Variants in GAS2 observed in about 807,000 individuals in gnomAD.
The protein encoded by GAS2 is growth arrest specific 2, also known as growth arrest-specific protein 2.
GAS2 carries 20 observed loss-of-function variants against 37.5 expected under a neutral mutation model. The observed-to-expected ratio is 0.53, with a 90% CI of 0.37 to 0.77. The LOEUF (loss-of-function observed/expected upper bound fraction) is 0.77. Ranked by LOEUF, GAS2 falls within the 30% of genes least tolerant of loss-of-function variation. GAS2 has a pLI of 0.00. For missense variants in GAS2, 336 were observed against 373.4 expected (o/e 0.90, Z 0.82); for synonymous variants, 144 against 132.2 (o/e 1.09, Z -0.61).
At position 22,697,686 on chromosome 11, in the gene GAS2, A is replaced by G. The variant is rs189245599; in HGVS notation, c.267+11897A>G. On this transcript the variant is annotated intron_variant, in intron 3 of 7. Coordinates refer to ENST00000454584, the MANE Select transcript of GAS2 (RefSeq NM_001143830.3). ...TCCCTTGTAATTTGGATTCCTAGGT[A>G]TTTTATTCTCTTTGAAGCAATTGTG... 8.3e-3 allele frequency among the ~76,000 whole-genome samples: 1,270 copies of G among 152,096 alleles called. 16 individuals carry two copies. The highest frequency in any genetic ancestry group is 0.029 in the African/African-American group (1,210 of 41,470).
intron 7 of GAS2, among the ~76,000 whole-genome samples, chr11:22,779,422 G>C (rs1855437310): frequency 6.6e-6 from 1 of 152,170 alleles, no homozygotes; most frequent in African/African-American, 2.4e-5. Flanking sequence ...CCTCAGCTGG[G>C]CGTGGTGGCT....
chr11:22,779,847 A>G (rs2134479385), intron 7 of GAS2, among the ~76,000 whole-genome samples: 2 of 152,332 alleles, frequency 1.3e-5, no homozygotes, highest in Admixed American at 1.3e-4. Flanking sequence ...CTGTCCTACA[A>G]CCAACCAACC....
chr11:22,642,293 T>C (rs1384770891), intron 1 of GAS2, among the ~76,000 whole-genome samples: 1 of 152,178 alleles, frequency 6.6e-6, no homozygotes, highest in Non-Finnish European at 1.5e-5. Flanking sequence ...ATGTTCAGAT[T>C]TGAAAATTTT....
intron 1 of GAS2, among the ~76,000 whole-genome samples, chr11:22,642,246 A>C (rs1324464107): frequency 6.6e-6 from 1 of 152,184 alleles, no homozygotes; most frequent in Non-Finnish European, 1.5e-5. Context: ...TCTCTACAAC[A>C]GTGGCAGAGG....
intron 3 of GAS2, among the ~76,000 whole-genome samples, chr11:22,712,774 A>G (rs421487): frequency 0.18 from 27,522 of 151,986 alleles, 2,686 homozygotes; most frequent in East Asian, 0.37. Flanking sequence ...GAAGGATGAA[A>G]ACTAACTTAA....
At chr11:22,775,060 G>T (rs542266627) in intron 7 of GAS2, among the ~76,000 whole-genome samples, 1 of 152,104 alleles carries the variant, frequency 6.6e-6, no homozygotes, top group Non-Finnish European at 1.5e-5. Flanking sequence ...AGAGGCTGGT[G>T]TAGCAAGGGA....
rs140137885 is a variant in GAS2 at position 22,701,273 on chromosome 11, A to G, written c.267+15484A>G. Among the ~76,000 whole-genome samples the G allele has an allele frequency of 7.3e-4, 111 of 152,288 alleles. 1 individual carries two copies. The highest frequency in any genetic ancestry group is 2.6e-3 in the African/African-American group (110 of 41,566). ...TTTATAATATTGAATATTACCAACAACAAATATTTTATAATAATTGAGTCC... is the reference window on the plus strand; with the variant it reads ...TTTATAATATTGAATATTACCAACAGCAAATATTTTATAATAATTGAGTCC... On this transcript the variant is annotated intron_variant, in intron 3 of 7. Transcript: ENST00000454584.
At chr11:22,692,524 C>T (rs758712998) in intron 3 of GAS2, among the ~76,000 whole-genome samples, 1 of 152,008 alleles carries the variant, frequency 6.6e-6, no homozygotes, top group Non-Finnish European at 1.5e-5. Context: ...CAGGAAGACA[C>T]GAAGTAGGGA....
chr11:22,736,227 T>A (rs1318338590), intron 4 of GAS2, among the ~76,000 whole-genome samples: 1 of 151,974 alleles, frequency 6.6e-6, no homozygotes, highest in African/African-American at 2.4e-5. Flanking sequence ...TTGTAGTAGA[T>A]TTGAAACTGG....
At chr11:22,655,960 A>T (rs1848849369) in intron 1 of GAS2, among the ~76,000 whole-genome samples, 1 of 152,190 alleles carries the variant, frequency 6.6e-6, no homozygotes, top group Non-Finnish European at 1.5e-5. Context: ...TCCTGTTCTT[A>T]GTGGGTCATA....
At chr11:22,758,715 A>T (rs775545816) in intron 7 of GAS2, among the ~76,000 whole-genome samples, 12 of 152,180 alleles carry the variant, frequency 7.9e-5, no homozygotes, top group Non-Finnish European at 1.3e-4. Flanking sequence ...GGAGTTCGAG[A>T]CCAGCCTGAC....
At chr11:22,657,009 A>C (rs1214073152) in intron 1 of GAS2, among the ~76,000 whole-genome samples, 1 of 152,198 alleles carries the variant, frequency 6.6e-6, no homozygotes, top group African/African-American at 2.4e-5. Context: ...TGGGAGTGAA[A>C]GAGCATTGTA....
chr11:22,773,501 C>T (rs1167231698), intron 7 of GAS2, among the ~76,000 whole-genome samples: 1 of 148,498 alleles, frequency 6.7e-6, no homozygotes, highest in Non-Finnish European at 1.5e-5. Context: ...TCACGCCATT[C>T]TCCTGCCTCA....
chr11:22,666,938 G>T (rs1485528637), intron 1 of GAS2, 39 bp downstream of exon 1: 1 of 152,290 alleles, frequency 6.6e-6, no homozygotes, highest in Non-Finnish European at 1.5e-5. Context: ...CGCCAACGCC[G>T]CCGCAGCGTG....
At chr11:22,634,872 A>T (rs1230031337) in intron 1 of GAS2, among the ~76,000 whole-genome samples, 1 of 152,158 alleles carries the variant, frequency 6.6e-6, no homozygotes, top group Non-Finnish European at 1.5e-5. Context: ...GCTATTCTCA[A>T]ATGCCAGCTG....
At chr11:22,737,525 C>A (rs1228753053) in intron 4 of GAS2, among the ~76,000 whole-genome samples, 180 bp from the exon 5 acceptor site, 11 of 152,112 alleles carry the variant, frequency 7.2e-5, no homozygotes, top group African/African-American at 2.7e-4. Flanking sequence ...GTTTTGAGAA[C>A]TAATTTAAGC....
chr11:22,789,375 T>C (rs1433759645), intron 7 of GAS2, among the ~76,000 whole-genome samples: 1 of 87,150 alleles, frequency 1.1e-5, no homozygotes, highest in African/African-American at 3.7e-5. Flanking sequence ...TATACACATA[T>C]ATATGTACAT....
At chr11:22,667,472 A>G (rs1314616407) in intron 1 of GAS2, among the ~76,000 whole-genome samples, 2 of 152,200 alleles carry the variant, frequency 1.3e-5, no homozygotes, top group African/African-American at 4.8e-5. Flanking sequence ...GATGAAATTG[A>G]GTTTTATGTG....
intron 3 of GAS2, among the ~76,000 whole-genome samples, chr11:22,686,174 A>G (rs996095271): frequency 6.6e-6 from 1 of 152,226 alleles, no homozygotes; most frequent in Non-Finnish European, 1.5e-5. Flanking sequence ...ATGGCAGAAT[A>G]CTAGAACAAA....
Sources: gnomAD v4.1 joint callset for allele counts (sites outside exome capture counted in the v4.1 genomes callset) on GRCh38, gnomAD v4.1.1 for gene constraint, MANE v1.5 for transcripts, NCBI Gene and HGNC (gene_info 2026-07-23, HGNC 2026-07-21) for gene names.